The following DACH2 variants were observed in gnomAD, a reference collection of about 807,000 sequenced individuals.
DACH2 encodes the protein dachshund family transcription factor 2.
DACH2 carries 17 observed loss-of-function variants against 35.8 expected under a neutral mutation model. That is an observed-to-expected ratio of 0.48 (90% CI 0.33 to 0.71). The LOEUF (loss-of-function observed/expected upper bound fraction) is 0.71, where lower values mean the gene tolerates loss of function less well. DACH2 is among the 30% of genes least tolerant of loss of function. The pLI is 0.02. For synonymous variants in DACH2, 195 were observed against 177.3 expected (o/e 1.10, Z -0.79); for missense variants, 469 against 472.7 (o/e 0.99, Z 0.07).
intron 2 of DACH2, among the ~76,000 whole-genome samples, chrX:86,431,952 A>G (rs1288708522): frequency 8.9e-6 from 1 of 112,099 alleles, no homozygotes; most frequent in Non-Finnish European, 1.9e-5. Context: ...AGAGCTTTCC[A>G]TATTGTTAGA....
chrX:86,168,524 C>G (rs1447361754), intron 1 of DACH2, among the ~76,000 whole-genome samples: 1 of 109,574 alleles, frequency 9.1e-6, no homozygotes, highest in Non-Finnish European at 1.9e-5. Flanking sequence ...AGAGTTTAGT[C>G]TATTTACATT....
At chrX:86,253,077 A>G (rs1159366570) in intron 1 of DACH2, among the ~76,000 whole-genome samples, 1 of 111,173 alleles carries the variant, frequency 9.0e-6, no homozygotes, top group Non-Finnish European at 1.9e-5. Context: ...GTTTCAGGAT[A>G]CAAAATTAAT....
chrX:86,774,703 G>T (rs2042015521), intron 7 of DACH2, among the ~76,000 whole-genome samples: 1 of 111,962 alleles, frequency 8.9e-6, no homozygotes. Flanking sequence ...CAGTGGAAAT[G>T]GTAAGTGGGA....
At chrX:86,767,786 G>A (rs1346174278) in intron 7 of DACH2, among the ~76,000 whole-genome samples, 2 of 111,725 alleles carry the variant, frequency 1.8e-5, no homozygotes, top group Non-Finnish European at 3.8e-5. Flanking sequence ...ATTGGAATTT[G>A]ACCACTTTGA....
At position 86,331,984 on chromosome X, in the gene DACH2, A is replaced by G. The variant is rs1452055585; in HGVS notation, c.489-44840A>G. On this transcript the variant is annotated intron_variant, in intron 1 of 11. Transcript: ENST00000373125. ...CAGTTTGAAAAGATTTTTCACCGACATGGAGTTTTCTGAGTTTTCTCTTTA... is the reference window on the plus strand; with the variant it reads ...CAGTTTGAAAAGATTTTTCACCGACGTGGAGTTTTCTGAGTTTTCTCTTTA... Among the ~76,000 whole-genome samples the G allele has an allele frequency of 8.0e-5, 9 of 111,873 alleles. No homozygotes were observed. The East Asian group carries it at 2.5e-3, about 31-fold the overall frequency.
chrX:86,326,969 CATTT>C (rs2035127065), intron 1 of DACH2, among the ~76,000 whole-genome samples: 1 of 111,667 alleles, frequency 9.0e-6, no homozygotes. Flanking sequence ...TGTATTCATT[CATTT>C]AACAGATATT....
At chrX:86,419,454 G>T in intron 2 of DACH2, among the ~76,000 whole-genome samples, 1 of 111,910 alleles carries the variant, frequency 8.9e-6, no homozygotes, top group East Asian at 2.8e-4. Flanking sequence ...AAGCAAGAGA[G>T]CTTGCTCAGG....
At chrX:86,483,101 C>A (rs1381173173) in intron 2 of DACH2, among the ~76,000 whole-genome samples, 114 of 103,471 alleles carry the variant, frequency 1.1e-3, no homozygotes, top group African/African-American at 3.9e-3. Context: ...AACTAACCTG[C>A]ACAATGTGCA....
At chrX:86,646,448 A>T (rs1038946116) in intron 3 of DACH2, among the ~76,000 whole-genome samples, 1 of 110,569 alleles carries the variant, frequency 9.0e-6, no homozygotes, top group African/African-American at 3.3e-5. Flanking sequence ...CTTTTATTTA[A>T]AAAAAATGGA....
intron 2 of DACH2, among the ~76,000 whole-genome samples, chrX:86,404,147 A>G (rs768203924): frequency 1.0e-4 from 11 of 110,545 alleles, no homozygotes; most frequent in Non-Finnish European, 2.1e-4. Flanking sequence ...TGGGGACACA[A>G]CCAAACCATA....
intron 2 of DACH2, among the ~76,000 whole-genome samples, chrX:86,418,814 T>A (rs774453741): frequency 8.9e-6 from 1 of 111,945 alleles, no homozygotes; most frequent in South Asian, 3.8e-4. Flanking sequence ...TCTATCACAT[T>A]GACAGACTGC....
At chrX:86,538,435 T>C (rs1375222913) in intron 3 of DACH2, among the ~76,000 whole-genome samples, 2 of 112,068 alleles carry the variant, frequency 1.8e-5, no homozygotes, top group Admixed American at 9.5e-5. Context: ...AGGTACTTGT[T>C]ATTAACAATA....
At chrX:86,302,539 T>C (rs2034594040) in intron 1 of DACH2, among the ~76,000 whole-genome samples, 1 of 111,397 alleles carries the variant, frequency 9.0e-6, no homozygotes, top group Non-Finnish European at 1.9e-5. Context: ...TAGAAACTTC[T>C]GGGTGTGCTG....
At chrX:86,656,520 C>A (rs114357645) in intron 4 of DACH2, among the ~76,000 whole-genome samples, 1,223 of 110,068 alleles carry the variant, frequency 0.011, 18 homozygotes, top group African/African-American at 0.038. Flanking sequence ...GTTTAAGCTA[C>A]ATAATCTAAT....
chrX:86,708,241 G>A (rs952286548), intron 5 of DACH2, among the ~76,000 whole-genome samples: 1 of 110,342 alleles, frequency 9.1e-6, no homozygotes, highest in African/African-American at 3.3e-5. Flanking sequence ...AGGGAAGGAC[G>A]TTACCTCTTA....
intron 4 of DACH2, among the ~76,000 whole-genome samples, chrX:86,681,743 T>C (rs1337604449): frequency 9.2e-6 from 1 of 109,008 alleles, no homozygotes; most frequent in African/African-American, 3.3e-5. Flanking sequence ...TTTAAGCCCA[T>C]GGCTTTTAGT....
At chrX:86,716,836 T>C (rs1256544159) in intron 6 of DACH2, among the ~76,000 whole-genome samples, 2 of 112,003 alleles carry the variant, frequency 1.8e-5, no homozygotes, top group Admixed American at 9.5e-5. Flanking sequence ...TATGACAATA[T>C]AACTGAAATT....
chrX:86,213,850 T>G (rs2032506469), intron 1 of DACH2, among the ~76,000 whole-genome samples: 1 of 111,105 alleles, frequency 9.0e-6, no homozygotes, highest in Non-Finnish European at 1.9e-5. Context: ...GAACTCAGAA[T>G]TCCCATCTCT....
chrX:86,208,943 G>A (rs896985129), intron 1 of DACH2, among the ~76,000 whole-genome samples: 1 of 110,967 alleles, frequency 9.0e-6, no homozygotes, highest in African/African-American at 3.3e-5. Context: ...ATGCTGATAG[G>A]GCCAAACAAA....
Sources: allele counts gnomAD v4.1 joint callset (sites outside exome capture counted in the v4.1 genomes callset), GRCh38; gene constraint gnomAD v4.1.1; transcripts MANE v1.5; gene names NCBI Gene and HGNC (gene_info 2026-07-23, HGNC 2026-07-21).